TRDN: variants seen among roughly 807,000 people sequenced by gnomAD.
TRDN encodes the protein triadin in skeletal muscle.
Under a neutral mutation model 149.7 loss-of-function variants are expected in TRDN, and 161 were observed. The ratio of observed to expected loss-of-function variants is 1.08; its 90% CI spans 0.95 to 1.23. The LOEUF (loss-of-function observed/expected upper bound fraction) is 1.23. Ranked by LOEUF, TRDN falls within the 50% of genes most tolerant of loss-of-function variation. TRDN has a pLI of 0.00. For synonymous variants in TRDN, 294 were observed against 250.5 expected (o/e 1.17, Z -1.64); for missense variants, 896 against 823.5 (o/e 1.09, Z -1.08).
chr6:123,592,060 T>C (rs1238230261), intron 1 of TRDN, among the ~76,000 whole-genome samples: 1 of 152,180 alleles, frequency 6.6e-6, no homozygotes, highest in Non-Finnish European at 1.5e-5. Flanking sequence ...TTCAAAGTAC[T>C]GTGTATTGCT....
intron 2 of TRDN, among the ~76,000 whole-genome samples, chr6:123,560,537 A>G (rs1335291392): frequency 6.6e-6 from 1 of 152,170 alleles, no homozygotes; most frequent in East Asian, 1.9e-4. Flanking sequence ...ACTCAGGACA[A>G]CGCTTATCCT....
chr6:123,615,117 T>C (rs1785018439), intron 1 of TRDN, among the ~76,000 whole-genome samples: 1 of 152,042 alleles, frequency 6.6e-6, no homozygotes, highest in South Asian at 2.1e-4. Context: ...CTCACTCCAG[T>C]TAGAATGTCT....
intron 10 of TRDN, among the ~76,000 whole-genome samples, chr6:123,447,531 C>T (rs1775460911): frequency 6.6e-6 from 1 of 152,122 alleles, no homozygotes; most frequent in Non-Finnish European, 1.5e-5. Context: ...CCAGCATGAA[C>T]TCTGGATAGC....
At chr6:123,247,178 T>C (rs187805330) in intron 38 of TRDN, among the ~76,000 whole-genome samples, 161 of 152,282 alleles carry the variant, frequency 1.1e-3, no homozygotes, top group Non-Finnish European at 2.0e-3. Flanking sequence ...AAGCATTCCC[T>C]TTGAAAACTG....
chr6:123,455,973 A>G (rs1686101168), intron 10 of TRDN, among the ~76,000 whole-genome samples: 1 of 152,144 alleles, frequency 6.6e-6, no homozygotes, highest in Non-Finnish European at 1.5e-5. Context: ...TTTTCTTTTC[A>G]TGACTAAATT....
chr6:123,274,527 A>G, intron 27 of TRDN, 114 bp downstream of exon 27: 2 of 868,426 alleles, frequency 2.3e-6, no homozygotes, highest in Non-Finnish European at 3.5e-6. Context: ...CAAAATAATG[A>G]GGAACTTGGA....
rs1025570125 is a variant in TRDN at position 123,389,661 on chromosome 6, T to C, written c.1106-1110A>G. On this transcript the variant is annotated intron_variant, in intron 13 of 40. Transcript: ENST00000334268. ...TACCACAGGTTATTTTTCTCTATTT[T>C]CTAAATGTTATTGACGTGCTATTAC... 3.3e-5 allele frequency among the ~76,000 whole-genome samples: 5 copies of C among 152,324 alleles called. No individual in the cohort carries two copies. In the South Asian group the frequency reaches 1.0e-3, roughly 32 times the overall value.
At chr6:123,327,143 A>T (rs566209921) in intron 23 of TRDN, among the ~76,000 whole-genome samples, 2 of 151,964 alleles carry the variant, frequency 1.3e-5, no homozygotes, top group South Asian at 4.2e-4. Flanking sequence ...TTTTCCATTT[A>T]TTTTCTCAAT....
intron 5 of TRDN, among the ~76,000 whole-genome samples, chr6:123,525,017 C>T (rs1025275571): frequency 1.3e-5 from 2 of 152,066 alleles, no homozygotes; most frequent in South Asian, 4.1e-4. Flanking sequence ...TATCATCTTA[C>T]ATCATTCAGA....
At position 123,424,974 on chromosome 6, in the gene TRDN, A is replaced by G. The variant is rs560310536; in HGVS notation, c.1051+13089T>C. On this transcript the variant is annotated intron_variant, in intron 12 of 40. Coordinates refer to ENST00000334268, the MANE Select transcript of TRDN (RefSeq NM_006073.4). ...TGCTGAAATTTTCAGGGGTTTTCAT[A>G]TTGTTGTTACACTATGAACTTGACT... is the stretch of plus-strand genomic sequence containing the variant. 1.8e-4 allele frequency among the ~76,000 whole-genome samples: 28 copies of G among 152,226 alleles called. No individual in the cohort carries two copies. In the South Asian group the frequency reaches 4.4e-3, roughly 24 times the overall value.
chr6:123,390,204 G>A (rs571173532), intron 13 of TRDN, among the ~76,000 whole-genome samples: 3 of 152,156 alleles, frequency 2.0e-5, no homozygotes, highest in Admixed American at 2.0e-4. Flanking sequence ...CTTGACCAAC[G>A]CCAAAAAGAG....
At chr6:123,453,704 T>C (rs759584698) in intron 10 of TRDN, among the ~76,000 whole-genome samples, 60 of 152,114 alleles carry the variant, frequency 3.9e-4, no homozygotes, top group Non-Finnish European at 4.9e-4. Flanking sequence ...TGGAGATTCT[T>C]TGAAGAACTA....
At chr6:123,303,346 T>C (rs1582843595) in intron 24 of TRDN, among the ~76,000 whole-genome samples, 1 of 152,202 alleles carries the variant, frequency 6.6e-6, no homozygotes, top group African/African-American at 2.4e-5. Context: ...ACTGTGGCTA[T>C]AGTGGCTTTT....
At chr6:123,510,099 C>A (rs1257268223) in intron 7 of TRDN, 3 of 151,874 alleles carry the variant, frequency 2.0e-5, no homozygotes, top group African/African-American at 7.3e-5. Flanking sequence ...AATTTATTTT[C>A]ACTTGCATTT....
At chr6:123,465,080 C>A (rs997923280) in intron 9 of TRDN, 97 bp from the exon 10 acceptor site, 145 of 1,277,412 alleles carry the variant, frequency 1.1e-4, no homozygotes, top group Non-Finnish European at 1.5e-4. Context: ...ATGCATAATT[C>A]ATAATACCAA....
At chr6:123,380,717 T>TTG (rs376910814) in intron 16 of TRDN, among the ~76,000 whole-genome samples, 20,589 of 141,322 alleles carry the variant, frequency 0.15, 1,699 homozygotes, top group Middle Eastern at 0.22. Flanking sequence ...TTCAAGGGTT[T>TTG]TTTTTTTTTT....
At chr6:123,541,575 A>G (rs1350381738) in intron 4 of TRDN, among the ~76,000 whole-genome samples, 1 of 152,086 alleles carries the variant, frequency 6.6e-6, no homozygotes, top group Non-Finnish European at 1.5e-5. Flanking sequence ...CATGCTTGGG[A>G]AAGACAGGTA....
chr6:123,366,441 G>T (rs1292090643), intron 19 of TRDN, among the ~76,000 whole-genome samples: 1 of 152,072 alleles, frequency 6.6e-6, no homozygotes, highest in Admixed American at 6.6e-5. Flanking sequence ...AAAGAAGGTG[G>T]CCTATTCCAT....
chr6:123,512,652 G>C (rs1441129102), intron 6 of TRDN, among the ~76,000 whole-genome samples: 2 of 152,038 alleles, frequency 1.3e-5, no homozygotes, highest in African/African-American at 4.8e-5. Context: ...CAAACTGAAA[G>C]GGAAAATTTT....
Sources: gnomAD v4.1 joint callset for allele counts (sites outside exome capture counted in the v4.1 genomes callset) on GRCh38, gnomAD v4.1.1 for gene constraint, MANE v1.5 for transcripts, NCBI Gene and HGNC (gene_info 2026-07-23, HGNC 2026-07-21) for gene names.